The following CD163L1 variants were observed in gnomAD, a reference collection of about 807,000 sequenced individuals.
CD163L1 encodes scavenger receptor cysteine-rich type 1 protein M160.
Under a neutral mutation model 165.4 loss-of-function variants are expected in CD163L1, and 124 were observed. That is an observed-to-expected ratio of 0.75 (90% confidence interval 0.65 to 0.87). The LOEUF (loss-of-function observed/expected upper bound fraction) is 0.87, where lower values mean the gene tolerates loss of function less well. Among genes scored for constraint, CD163L1 ranks in the 40% least tolerant of loss-of-function variants. The probability of loss-of-function intolerance (pLI) is 0.00; values close to 1 mark genes in which losing one functional copy is unlikely to be tolerated. For synonymous variants in CD163L1, 585 were observed against 662.2 expected, an observed-to-expected ratio of 0.88 and a Z score of 1.79; for missense variants, 1,525 against 1,799.9, an observed-to-expected ratio of 0.85 and a Z score of 2.76.
At chr12:7,411,297 AAAAC>A (rs2136547337) in intron 4 of CD163L1, among the ~76,000 whole-genome samples, 1 of 152,332 alleles carries the variant, frequency 6.6e-6, no homozygotes, top group South Asian at 2.1e-4. Context: ...AAGTCTTACT[AAAAC>A]AAATAACTCC....
At chr12:7,373,722 G>A in intron 13 of CD163L1, 82 bp from the exon 14 acceptor site, 2 of 1,194,780 alleles carry the variant, frequency 1.7e-6, no homozygotes, top group Non-Finnish European at 2.4e-6. Context: ...TTTTTCCCAT[G>A]GAAATAATAC....
intron 6 of CD163L1, among the ~76,000 whole-genome samples, chr12:7,399,805 A>G (rs1361473633): frequency 3.3e-5 from 5 of 152,010 alleles, no homozygotes; most frequent in African/African-American, 1.2e-4. Context: ...GGGTTTCACC[A>G]TGTTGCCCAG....
chr12:7,322,410 C>T, the CD163L1 span: 1 of 1,613,486 alleles, frequency 6.2e-7, no homozygotes, highest in Non-Finnish European at 8.5e-7. Flanking sequence ...GCAACTCTGT[C>T]TCTCCAGATA....
intron 4 of CD163L1, among the ~76,000 whole-genome samples, chr12:7,410,647 C>A (rs1343437991): frequency 6.9e-6 from 1 of 144,090 alleles, no homozygotes; most frequent in Non-Finnish European, 1.5e-5. Context: ...CTGGCTAATA[C>A]GGTGAAACCC....
At chr12:7,430,917 A>G (rs1318338513) in intron 4 of CD163L1, among the ~76,000 whole-genome samples, 2 of 152,054 alleles carry the variant, frequency 1.3e-5, no homozygotes, top group Non-Finnish European at 2.9e-5. Context: ...TCTCGTAGAT[A>G]ATAAGAAATT....
Position 7,424,288 on chromosome 12 carries a change from T to TA in CD163L1, c.766+8127dup, listed in dbSNP as rs140177404. ...AATAAAATTCAACATCCCTTCATGG[T>TA]AAAAAAAAAAAAAACTCTCAATAAA... is the stretch of plus-strand genomic sequence containing the variant. On this transcript the variant is annotated intron_variant, in intron 4 of 19. Coordinates refer to ENST00000313599, the MANE Select transcript of CD163L1 (RefSeq NM_174941.6). Among the ~76,000 whole-genome samples, 131 of 146,714 alleles carry TA rather than the reference T, an allele frequency of 8.9e-4. 1 individual carries two copies. The East Asian group carries it at 0.011, about 12-fold the overall frequency.
In CD163L1 at chr12:7,383,226, T is replaced by C. The variant is rs2136455277; in HGVS notation, c.2051-3928A>G. Reference sequence around the variant, plus strand: ...TATTCCACTCACCATAGTCTGTCCCTGTGTGCAACATCAGTAGCCTTGAGG... The same window carrying C: ...TATTCCACTCACCATAGTCTGTCCCCGTGTGCAACATCAGTAGCCTTGAGG... On this transcript the variant is annotated intron_variant, in intron 8 of 19. Coordinates refer to ENST00000313599, the MANE Select transcript of CD163L1 (RefSeq NM_174941.6). Among the ~76,000 whole-genome samples the C allele has an allele frequency of 2.6e-5, 4 of 152,278 alleles. No homozygotes were observed. In the South Asian group the frequency reaches 8.3e-4, roughly 32 times the overall value.
chr12:7,432,376 A>C lies in CD163L1; in HGVS notation c.766+40T>G. On this transcript the variant is annotated intron_variant, in intron 4 of 19. Transcript: ENST00000313599. The surrounding 1 kb of genome is among the most constrained non-coding windows in gnomAD (Gnocchi z 4.2). ...CTTTCCATACATACTGTTTCTAAAC[A>C]AATTGTTCCTTTCTTCTACATGATG... 2.7e-6 allele frequency: 4 copies of C among 1,463,614 alleles called. No homozygotes were observed. The highest frequency in any genetic ancestry group is 3.8e-6 in the Non-Finnish European group (4 of 1,062,734). 90.7% of individuals were successfully genotyped at this position (1,463,614 alleles called of 1,614,324 possible).
At chr12:7,324,252 A>G in the CD163L1 span, 2 of 1,610,096 alleles carry the variant, frequency 1.2e-6, no homozygotes, top group Admixed American at 1.7e-5. Flanking sequence ...CTAATCCCCA[A>G]ATGTCATCCT....
At chr12:7,416,828 G>A (rs182388728) in intron 4 of CD163L1, among the ~76,000 whole-genome samples, 1 of 152,158 alleles carries the variant, frequency 6.6e-6, no homozygotes, top group African/African-American at 2.4e-5. Flanking sequence ...TAGCCTTGAG[G>A]TATAGTTTAA....
chr12:7,381,362 C>T (rs1392093342), intron 8 of CD163L1, among the ~76,000 whole-genome samples: 1 of 152,198 alleles, frequency 6.6e-6, no homozygotes, highest in Non-Finnish European at 1.5e-5. Context: ...ACTTATAAAA[C>T]AGCTGAATGA....
chr12:7,383,402 G>T (rs7979059), intron 8 of CD163L1, among the ~76,000 whole-genome samples: 17,663 of 152,050 alleles, frequency 0.12, 1,428 homozygotes, highest in African/African-American at 0.22. Context: ...TACTGCTATT[G>T]GTGACACCAG....
At chr12:7,431,393 G>A (rs1445073991) in intron 4 of CD163L1, among the ~76,000 whole-genome samples, 1 of 151,248 alleles carries the variant, frequency 6.6e-6, no homozygotes, top group Non-Finnish European at 1.5e-5. Context: ...CTCCAGCCTG[G>A]GCAACAGCCT....
At chr12:7,340,866 G>A in the CD163L1 span, among the ~76,000 whole-genome samples, 1 of 152,150 alleles carries the variant, frequency 6.6e-6, no homozygotes, top group Admixed American at 6.5e-5. Context: ...CTGCAAGTTG[G>A]TGTATGAGAC....
At chr12:7,419,700 A>G (rs1210435486) in intron 4 of CD163L1, among the ~76,000 whole-genome samples, 1 of 152,068 alleles carries the variant, frequency 6.6e-6, no homozygotes. Context: ...GTAGCTCTGC[A>G]TACAACAGCA....
intron 4 of CD163L1, among the ~76,000 whole-genome samples, chr12:7,416,524 T>C (rs1285148719): frequency 1.3e-5 from 2 of 152,166 alleles, no homozygotes; most frequent in Non-Finnish European, 2.9e-5. Context: ...ATTGCCTAGG[T>C]TTTCTTCTAG....
At position 7,440,060 on chromosome 12, in the gene CD163L1, C is replaced by T. The variant is rs1403942059; in HGVS notation, c.124+1094G>A. 5.9e-5 allele frequency: 66 copies of T among 1,114,824 alleles called. No homozygotes were observed. In the South Asian group the frequency reaches 8.3e-4, roughly 14 times the overall value. 69.1% of individuals were successfully genotyped at this position (1,114,824 alleles called of 1,614,324 possible). A position where few individuals can be genotyped will look rare whatever the true frequency, so the allele number is the denominator to read the frequency against. On this transcript the variant is annotated intron_variant, in intron 2 of 19. Transcript: ENST00000313599. ...CCCCAGCAGCTCCTCGCGTTCCGCG[C>T]TCCGCCCTACTCCACATCAGCGGCG...
chr12:7,429,614 C>T (rs1481200792), intron 4 of CD163L1, among the ~76,000 whole-genome samples: 1 of 152,018 alleles, frequency 6.6e-6, no homozygotes, highest in African/African-American at 2.4e-5. Context: ...TTCTTTCTCA[C>T]CTCTTTTTTC....
intron 5 of CD163L1, among the ~76,000 whole-genome samples, chr12:7,404,950 A>G (rs1947988184): frequency 6.6e-6 from 1 of 152,160 alleles, no homozygotes; most frequent in African/African-American, 2.4e-5. Flanking sequence ...TTAAACTGTG[A>G]AACTGTGAAC....
Sources: gnomAD v4.1 joint callset for allele counts (sites outside exome capture counted in the v4.1 genomes callset) on GRCh38, gnomAD v4.1.1 for gene constraint, Gnocchi (gnomAD v3.1) non-coding constraint, MANE v1.5 for transcripts, NCBI Gene and HGNC (gene_info 2026-07-23, HGNC 2026-07-21) for gene names.